The following SLC25A48 variants were observed in gnomAD, a reference collection of about 807,000 sequenced individuals.
SLC25A48 encodes the protein solute carrier family 25 member 48, also known as CTC-321K16.1.
Under a neutral mutation model 32.2 loss-of-function variants are expected in SLC25A48, and 29 were observed. The observed-to-expected ratio is 0.90, with a 90% CI of 0.67 to 1.23. The LOEUF (loss-of-function observed/expected upper bound fraction) is 1.23, where lower values mean the gene tolerates loss of function less well. Among genes scored for constraint, SLC25A48 ranks in the 50% most tolerant of loss-of-function variants. SLC25A48 has a pLI of 0.00. For synonymous variants in SLC25A48, 164 were observed against 172.3 expected (o/e 0.95, Z 0.38); for missense variants, 399 against 422.7 (o/e 0.94, Z 0.49).
At chr5:135,744,640 C>T (rs1171530438) in intron 3 of SLC25A48, among the ~76,000 whole-genome samples, 2 of 151,918 alleles carry the variant, frequency 1.3e-5, no homozygotes, top group African/African-American at 2.4e-5. Context: ...CTTGGCCTGT[C>T]TCCATTTTTG....
intron 4 of SLC25A48, among the ~76,000 whole-genome samples, chr5:135,817,426 A>T (rs1757751003): frequency 1.3e-5 from 2 of 152,242 alleles, no homozygotes; most frequent in Admixed American, 1.3e-4. Flanking sequence ...ATGCCAGTGT[A>T]TATCAATGAG....
intron 1 of SLC25A48, among the ~76,000 whole-genome samples, chr5:135,580,964 G>A (rs909965345): frequency 6.6e-6 from 1 of 152,164 alleles, no homozygotes; most frequent in African/African-American, 2.4e-5. Context: ...GTAGTATAAT[G>A]GCTAAGAGGC....
At chr5:135,678,976 G>A (rs529136602) in intron 3 of SLC25A48, among the ~76,000 whole-genome samples, 14 of 152,248 alleles carry the variant, frequency 9.2e-5, no homozygotes, top group African/African-American at 2.2e-4. Context: ...CACTAGCACC[G>A]GTGTCCATAA....
intron 3 of SLC25A48, among the ~76,000 whole-genome samples, chr5:135,757,779 G>A (rs931696569): frequency 2.1e-4 from 31 of 149,896 alleles, no homozygotes; most frequent in Admixed American, 7.3e-4. Flanking sequence ...TATTTATAAT[G>A]TGTTATTACA....
At chr5:135,797,586 G>A (rs1580891643) in intron 3 of SLC25A48, among the ~76,000 whole-genome samples, 1 of 151,774 alleles carries the variant, frequency 6.6e-6, no homozygotes, top group Non-Finnish European at 1.5e-5. Context: ...TGATATTGCT[G>A]TCAGTATCCA....
intron 3 of SLC25A48, among the ~76,000 whole-genome samples, chr5:135,713,173 C>A (rs1297834525): frequency 1.3e-5 from 2 of 152,208 alleles, no homozygotes; most frequent in Non-Finnish European, 2.9e-5. Context: ...CCAGCCCAGA[C>A]CTTCTGAATT....
At chr5:135,816,582 A>C (rs1245930568) in intron 4 of SLC25A48, among the ~76,000 whole-genome samples, 1 of 152,204 alleles carries the variant, frequency 6.6e-6, no homozygotes, top group African/African-American at 2.4e-5. Flanking sequence ...AAGAAATAAA[A>C]TAATCAATGA....
intron 4 of SLC25A48, among the ~76,000 whole-genome samples, chr5:135,819,481 T>C (rs867585594): frequency 6.6e-6 from 1 of 152,222 alleles, no homozygotes; most frequent in Middle Eastern, 3.2e-3. Context: ...AATAGCATTA[T>C]GCTAAGAGAA....
intron 3 of SLC25A48, among the ~76,000 whole-genome samples, chr5:135,765,199 T>C (rs1216681353): frequency 6.6e-6 from 1 of 151,836 alleles, no homozygotes; most frequent in African/African-American, 2.4e-5. Context: ...CTCTGTTTTA[T>C]GGTTTGTAAT....
chr5:135,852,416 C>T, intron 3 of SLC25A48, 147 bp from the exon 4 acceptor site: 5 of 980,254 alleles, frequency 5.1e-6, no homozygotes, highest in South Asian at 1.8e-5. Context: ...GGTTCCCCAC[C>T]CCCTACCTCC....
chr5:135,648,887 C>T (rs376568886), intron 3 of SLC25A48: 8 of 152,414 alleles, frequency 5.2e-5, no homozygotes, highest in African/African-American at 1.9e-4. Flanking sequence ...AAGGCACTAG[C>T]TGGTCATTAT....
chr5:135,880,222 T>C, intron 7 of SLC25A48, 125 bp downstream of exon 7: 3 of 1,336,200 alleles, frequency 2.2e-6, no homozygotes, highest in Non-Finnish European at 3.0e-6. Context: ...TAATCTGTGG[T>C]AGGCTGGGGC....
chr5:135,631,283 T>C (rs1013491236), intron 2 of SLC25A48, among the ~76,000 whole-genome samples: 1 of 152,186 alleles, frequency 6.6e-6, no homozygotes, highest in Non-Finnish European at 1.5e-5. Context: ...TTCAAAGTAT[T>C]GATTGGCTCT....
At chr5:135,646,346 G>A (rs1326921973) in intron 3 of SLC25A48, among the ~76,000 whole-genome samples, 1 of 151,938 alleles carries the variant, frequency 6.6e-6, no homozygotes, top group Non-Finnish European at 1.5e-5. Context: ...TTTAGACTTG[G>A]ATTTCCATTT....
At chr5:135,778,731 A>C (rs1236336941) in intron 3 of SLC25A48, among the ~76,000 whole-genome samples, 1 of 29,630 alleles carries the variant, frequency 3.4e-5, no homozygotes, top group Non-Finnish European at 7.9e-5. Context: ...GGAGAGGATG[A>C]TACTACTCCC....
chr5:135,818,649 A>T (rs958934181), intron 4 of SLC25A48, among the ~76,000 whole-genome samples: 1 of 152,230 alleles, frequency 6.6e-6, no homozygotes, highest in African/African-American at 2.4e-5. Flanking sequence ...CAAAGTCTAC[A>T]CAAAATGATA....
In SLC25A48 at chr5:135,678,160, T is replaced by A. The variant is rs115919625; in HGVS notation, c.-521+43204T>A. On this transcript the variant is annotated intron_variant, in intron 3 of 10. Transcript: ENST00000646290. ...TTTTGGGACATCAAAAATTCAAATATTTTTTCACGTTATGGTGTCACATAT... is the reference window on the plus strand; with the variant it reads ...TTTTGGGACATCAAAAATTCAAATAATTTTTCACGTTATGGTGTCACATAT... Among the ~76,000 whole-genome samples, 1,352 of 152,328 alleles carry A rather than the reference T, an allele frequency of 8.9e-3. 21 individuals are homozygous for A. The highest frequency in any genetic ancestry group is 0.03 in the African/African-American group (1,267 of 41,590).
chr5:135,826,434 A>T (rs903318873), intron 4 of SLC25A48: 1 of 152,362 alleles, frequency 6.6e-6, no homozygotes, highest in Admixed American at 6.5e-5. Context: ...CATCTTGTCC[A>T]GCACTCTGAC....
intron 3 of SLC25A48, among the ~76,000 whole-genome samples, chr5:135,755,783 A>G (rs764554041): frequency 6.6e-6 from 1 of 151,966 alleles, no homozygotes; most frequent in Non-Finnish European, 1.5e-5. Flanking sequence ...TCAATGCACT[A>G]TGGTATGAAT....
Sources: gnomAD v4.1 joint callset for allele counts (sites outside exome capture counted in the v4.1 genomes callset) on GRCh38, gnomAD v4.1.1 for gene constraint, MANE v1.5 for transcripts, NCBI Gene and HGNC (gene_info 2026-07-23, HGNC 2026-07-21) for gene names.